Variants in MREG observed in about 807,000 individuals in gnomAD.
MREG encodes melanoregulin, also known as dilute suppressor protein homolog.
MREG carries 31 observed loss-of-function variants against 28.5 expected under a neutral mutation model. The ratio of observed to expected loss-of-function variants is 1.09; its 90% CI spans 0.82 to 1.47. The LOEUF is 1.47. Among genes scored for constraint, MREG ranks in the 40% most tolerant of loss-of-function variants. MREG has a pLI of 0.00. For missense variants in MREG, 256 were observed against 257.4 expected, an observed-to-expected ratio of 0.99 and a Z score of 0.04; for synonymous variants, 106 against 95.2, an observed-to-expected ratio of 1.11 and a Z score of -0.66.
intron 2 of MREG, among the ~76,000 whole-genome samples, chr2:215,993,460 TA>T (rs1693774769): frequency 6.6e-6 from 1 of 152,066 alleles, no homozygotes; most frequent in Non-Finnish European, 1.5e-5. Context: ...CCTAAAACCA[TA>T]AAAACCCTAG....
At chr2:215,996,204 A>G (rs1378611958) in intron 2 of MREG, 102 bp downstream of exon 2, 4 of 1,229,980 alleles carry the variant, frequency 3.3e-6, no homozygotes, top group East Asian at 2.7e-5. Context: ...CAAACATTTC[A>G]TCCTTCATTC....
At chr2:216,023,954 C>T (rs1694560038) in intron 1 of MREG, among the ~76,000 whole-genome samples, 1 of 152,098 alleles carries the variant, frequency 6.6e-6, no homozygotes, top group African/African-American at 2.4e-5. Flanking sequence ...AGGTGTGAGC[C>T]ACCACACCTG....
intron 2 of MREG, among the ~76,000 whole-genome samples, chr2:215,961,298 A>G (rs1008327022): frequency 3.9e-5 from 6 of 152,220 alleles, no homozygotes; most frequent in Admixed American, 3.3e-4. Context: ...AGAGCTGATG[A>G]AAATGAGCCT....
Position 215,943,551 on chromosome 2 carries a change from C to T in MREG, c.*1312G>A. 1 of 455,398 alleles carries T rather than the reference C, an allele frequency of 2.2e-6. No homozygotes were observed. The highest frequency in any genetic ancestry group is 4.4e-6 in the Non-Finnish European group (1 of 226,210). The allele number at this position is 455,398 out of a possible 1,614,324, so 28.2% of individuals were successfully genotyped here. Reference sequence around the variant, plus strand: ...ACAGATGCTATTCCAGATAAAATGCCAAGGGCTTGGCCGGGCGCGGTGACT... The same window carrying T: ...ACAGATGCTATTCCAGATAAAATGCTAAGGGCTTGGCCGGGCGCGGTGACT... On this transcript the variant is annotated 3_prime_UTR_variant, in exon 5 of 5. Transcript: ENST00000263268.
At chr2:216,014,506 G>C (rs1172756564), upstream of MREG, among the ~76,000 whole-genome samples, 1 of 151,890 alleles carries the variant, frequency 6.6e-6, no homozygotes, top group Non-Finnish European at 1.5e-5. Flanking sequence ...AAAATTAGCC[G>C]GGCATGGTGG....
intron 1 of MREG, among the ~76,000 whole-genome samples, chr2:216,000,024 C>T (rs1054828066): frequency 2.6e-5 from 4 of 152,284 alleles, no homozygotes; most frequent in East Asian, 1.9e-4. Context: ...AGGTGGACAC[C>T]GGAGAAGTGT....
intron 2 of MREG, among the ~76,000 whole-genome samples, chr2:215,995,636 C>G (rs935459635): frequency 6.6e-5 from 10 of 151,920 alleles, no homozygotes; most frequent in African/African-American, 2.4e-4. Flanking sequence ...CTGATGAACA[C>G]AGAAGTCAGA....
intron 2 of MREG, among the ~76,000 whole-genome samples, chr2:215,970,281 G>A (rs1373307762): frequency 3.9e-5 from 6 of 152,128 alleles, no homozygotes; most frequent in African/African-American, 1.4e-4. Context: ...TGGGGGCCTG[G>A]AGAACATCCT....
At position 215,945,601 on chromosome 2, in the gene MREG, C is replaced by T. The variant is rs1210393332; in HGVS notation, c.480G>A (p.Trp160Ter). The part of the protein sequence containing the change: ...AEETNIFPTS[W>*]ELSERYLFVV... ...CAAAGAGATATCTCTCTGAGAGCTC[C>T]CAACTTGTTGGGAAAATATTGGTTT... is the stretch of plus-strand genomic sequence containing the variant. The change falls in exon 4 of 5, where the codon TGG (tryptophan) becomes TGA (stop). Residue 160 changes from tryptophan to a stop codon, truncating the protein, a stop_gained. Coordinates refer to ENST00000263268, the MANE Select transcript of MREG (RefSeq NM_018000.3). LOFTEE classifies it high-confidence loss of function. 2 of 1,613,744 alleles carry T rather than the reference C, an allele frequency of 1.2e-6. No individual in the cohort carries two copies. Among genetic ancestry groups the T allele is most frequent in the Admixed American group, 1.7e-5 (1 of 59,978 alleles).
rs147771548 is a variant in MREG, at chr2:215,954,131, T to C, written c.256-7018A>G. On this transcript the variant is annotated intron_variant, in intron 2 of 4. Coordinates refer to ENST00000263268, the MANE Select transcript of MREG (RefSeq NM_018000.3). ...CTCTGACTCTCATGAGATGTTGCTA[T>C]AACAAAGGAAAGAGGTGGCTTACAT... Among the ~76,000 whole-genome samples the C allele has an allele frequency of 1.0e-3, 153 of 152,324 alleles. 1 individual carries two copies. Among genetic ancestry groups the C allele is most frequent in the African/African-American group, 3.4e-3 (141 of 41,582 alleles).
chr2:215,973,757 G>C (rs1388031428), intron 2 of MREG, among the ~76,000 whole-genome samples: 1 of 152,170 alleles, frequency 6.6e-6, no homozygotes, highest in Non-Finnish European at 1.5e-5. Context: ...AAATATTTTG[G>C]TTGTGCTGCA....
At chr2:215,951,313 G>A (rs749240179) in intron 2 of MREG, among the ~76,000 whole-genome samples, 17 of 152,174 alleles carry the variant, frequency 1.1e-4, no homozygotes, top group Non-Finnish European at 1.8e-4. Context: ...ACTCCCTGGC[G>A]TTAGAGCAAG....
chr2:216,022,424 C>T (rs1197891662), intron 1 of MREG, among the ~76,000 whole-genome samples: 1 of 152,166 alleles, frequency 6.6e-6, no homozygotes, highest in Non-Finnish European at 1.5e-5. Context: ...ATTAACTATG[C>T]TGCAATCTCT....
At chr2:215,972,455 C>A (rs554598430) in intron 2 of MREG, among the ~76,000 whole-genome samples, 25 of 152,140 alleles carry the variant, frequency 1.6e-4, no homozygotes, top group African/African-American at 5.5e-4. Context: ...CCAGCCTAGC[C>A]AACATGGTGA....
At chr2:216,023,206 C>T (rs1169284920) in intron 1 of MREG, among the ~76,000 whole-genome samples, 1 of 152,230 alleles carries the variant, frequency 6.6e-6, no homozygotes, top group African/African-American at 2.4e-5. Context: ...AGGTTATATA[C>T]AAACCTTCCT....
chr2:215,949,982 A>G (rs1021874237), intron 2 of MREG, among the ~76,000 whole-genome samples: 2 of 152,236 alleles, frequency 1.3e-5, no homozygotes, highest in Non-Finnish European at 2.9e-5. Flanking sequence ...AAAATAAACA[A>G]AATATTAGGC....
intron 2 of MREG, among the ~76,000 whole-genome samples, chr2:215,968,864 T>C (rs1039910117): frequency 6.6e-6 from 1 of 152,134 alleles, no homozygotes; most frequent in Non-Finnish European, 1.5e-5. Flanking sequence ...CAAGCAATCT[T>C]CCCGCCTCAG....
intron 1 of MREG, among the ~76,000 whole-genome samples, chr2:216,010,273 C>T (rs991925601): frequency 6.6e-6 from 1 of 151,916 alleles, no homozygotes; most frequent in Non-Finnish European, 1.5e-5. Context: ...TTCTCCCCTA[C>T]ACCCTTTGGA....
At position 216,031,443 on chromosome 2, in the gene MREG, A is replaced by AG. The variant is rs1559203836; in HGVS notation, c.-68+1345_-68+1346insC. 4.4e-3 allele frequency among the ~76,000 whole-genome samples: 550 copies of AG among 125,610 alleles called. 3 individuals are homozygous for AG. Among genetic ancestry groups the AG allele is most frequent in the African/African-American group, 0.012 (393 of 32,344 alleles). The allele number at this position is 125,610 out of a possible 152,430, so 82.4% of individuals were successfully genotyped here. A position where few individuals can be genotyped will look rare whatever the true frequency, so the allele number is the denominator to read the frequency against. ...AAGAAAGAAAGAAAAGAAAGAAAGA[A>AG]AAAGAAAGAAAGAGAGAAAGAAAGA... is the stretch of plus-strand genomic sequence containing the variant. On this transcript the variant is annotated intron_variant, in intron 1 of 3. Coordinates refer to the MREG transcript ENST00000420348.
Sources: gnomAD v4.1 joint callset for allele counts (sites outside exome capture counted in the v4.1 genomes callset) on GRCh38, gnomAD v4.1.1 for gene constraint, MANE v1.5 for transcripts, NCBI Gene and HGNC (gene_info 2026-07-23, HGNC 2026-07-21) for gene names.